AAMP: variants seen among roughly 807,000 people sequenced by gnomAD.
AAMP encodes the protein angio-associated migratory cell protein.
Under a neutral mutation model 51.1 loss-of-function variants are expected in AAMP, and 12 were observed. The ratio of observed to expected loss-of-function variants is 0.23; its 90% confidence interval spans 0.15 to 0.38. The LOEUF is 0.38. Among genes scored for constraint, AAMP ranks in the 10% least tolerant of loss-of-function variants. The probability of loss-of-function intolerance (pLI) is 1.00; values close to 1 mark genes in which losing one functional copy is unlikely to be tolerated. For missense variants in AAMP, 418 were observed against 557.2 expected, an observed-to-expected ratio of 0.75 and a Z score of 2.52; for synonymous variants, 210 against 218.7, an observed-to-expected ratio of 0.96 and a Z score of 0.35.
At position 218,267,528 on chromosome 2, in the gene AAMP, C is replaced by T; in HGVS notation, c.360G>A (p.Arg120=). The change falls in exon 3 of 11, where the codon CGG becomes CGA. Residue 120 remains arginine, a synonymous_variant. Transcript: ENST00000248450. This position sits in a 1 kb window ranked among gnomAD's most constrained non-coding sequence, Gnocchi z 4.6. ...CAAAGAGCAGCTCCCCATCGCTGAG[C>T]CGCCATACGAAGGCTTTGTCATCTT... The part of the protein sequence containing the change: ...GGEDDKAFVW[R]LSDGELLFEC... 1 of 1,614,180 alleles carries T rather than the reference C, an allele frequency of 6.2e-7. No individual in the cohort carries two copies. Among genetic ancestry groups the T allele is most frequent in the Non-Finnish European group, 8.5e-7 (1 of 1,180,038 alleles).
In AAMP at chr2:218,265,364, C is replaced by T; in HGVS notation, c.1074+7G>A. 2 of 1,553,818 alleles carry T rather than the reference C, an allele frequency of 1.3e-6. No homozygotes were observed. The highest frequency in any genetic ancestry group is 1.7e-6 in the Non-Finnish European group (2 of 1,146,568). On this transcript the variant is annotated splice_region_variant and intron_variant, in intron 9 of 10. Coordinates refer to ENST00000248450, the MANE Select transcript of AAMP (RefSeq NM_001087.5). This position sits in a 1 kb window ranked among gnomAD's most constrained non-coding sequence, Gnocchi z 6.6. Reference sequence around the variant, plus strand: ...CCCACAGGGACCCCAGCTCCAGCTGCCCATACCTGGTGCTGACACTGATGC... The same window carrying T: ...CCCACAGGGACCCCAGCTCCAGCTGTCCATACCTGGTGCTGACACTGATGC...
chr2:218,264,330 G>A lies in AAMP; in HGVS notation c.*203C>T, dbSNP rs1341812815. ...ACCCCTCCCTCTGAAGGGCCCACCA[G>A]GTCTGGACAAGGGTGGGAGGGCCCT... On this transcript the variant is annotated 3_prime_UTR_variant, in exon 11 of 11. Coordinates refer to ENST00000248450, the MANE Select transcript of AAMP (RefSeq NM_001087.5). The A allele has an allele frequency of 1.7e-6, 1 of 585,236 alleles. No homozygotes were observed. The highest frequency in any genetic ancestry group is 2.1e-5 in the South Asian group (1 of 47,374). The allele number at this position is 585,236 out of a possible 1,614,324, so 36.3% of individuals were successfully genotyped here. A position where few individuals can be genotyped will look rare whatever the true frequency, so the allele number is the denominator to read the frequency against.
chr2:218,268,338 CATTTT>C (rs572374666), intron 2 of AAMP, among the ~76,000 whole-genome samples: 221 of 150,724 alleles, frequency 1.5e-3, no homozygotes, highest in African/African-American at 4.2e-3. Flanking sequence ...AATTATCTCT[CATTTT>C]ATTTTATTTT....
Position 218,266,605 on chromosome 2 carries a change from G to A in AAMP, c.535-18C>T. The A allele has an allele frequency of 2.5e-6, 4 of 1,603,110 alleles. No individual in the cohort carries two copies. Among genetic ancestry groups the A allele is most frequent in the Non-Finnish European group, 3.4e-6 (4 of 1,171,952 alleles). On this transcript the variant is annotated intron_variant, in intron 4 of 10. Coordinates refer to ENST00000248450, the MANE Select transcript of AAMP (RefSeq NM_001087.5). The surrounding 1 kb of genome is among the most constrained non-coding windows in gnomAD (Gnocchi z 4.7). ...TCCATCCACTGGACAGGGAGGAAGG[G>A]GCAGCAGGGAGGCCCGTCACCCCAT...
In AAMP at chr2:218,265,077, C is replaced by T. The variant is rs753016891; in HGVS notation, c.1172G>A (p.Arg391His). The change falls in exon 10 of 11, where the codon CGC becomes CAC. Residue 391 changes from arginine to histidine, a missense_variant. Coordinates refer to ENST00000248450, the MANE Select transcript of AAMP (RefSeq NM_001087.5). The surrounding 1 kb of genome is among the most constrained non-coding windows in gnomAD (Gnocchi z 6.6). ...IVRLWDARTG[R>H]LLTDYRGHTA... ...GTGGCCCCGGTAGTCAGTAAGCAGG[C>T]GGCCGGTCCGGGCGTCCCAGAGGCG... is the stretch of plus-strand genomic sequence containing the variant. 2.2e-5 allele frequency: 35 copies of T among 1,613,522 alleles called. No homozygotes were observed. Among genetic ancestry groups the T allele is most frequent in the Admixed American group, 3.3e-5 (2 of 59,982 alleles).
Position 218,265,713 on chromosome 2 carries a change from C to A in AAMP, c.880-31G>T, listed in dbSNP as rs766612243. ...AGCCAGAGAGGATCAGAGGAGGACA[C>A]GGAATCCGGGTGCTTGATGGAGAGA... On this transcript the variant is annotated intron_variant, in intron 7 of 10. Transcript: ENST00000248450. This position sits in a 1 kb window ranked among gnomAD's most constrained non-coding sequence, Gnocchi z 6.6. The A allele has an allele frequency of 8.1e-6, 13 of 1,601,912 alleles. No homozygotes were observed. In the African/African-American group the frequency reaches 1.2e-4, roughly 15 times the overall value.
At chr2:218,269,648 G>A (rs1690737161) in intron 1 of AAMP, 114 bp from the exon 2 acceptor site, 1 of 1,559,030 alleles carries the variant, frequency 6.4e-7, no homozygotes, top group South Asian at 1.1e-5. Context: ...GGAAGGTGGA[G>A]TCAGACACAC....
intron 2 of AAMP, among the ~76,000 whole-genome samples, chr2:218,268,610 G>A (rs2106173579): frequency 6.6e-6 from 1 of 151,564 alleles, no homozygotes; most frequent in Middle Eastern, 3.4e-3. Flanking sequence ...CCAAAGTGCT[G>A]TGATTACAGG....
Position 218,270,098 on chromosome 2 carries a change from G to A in AAMP, c.-12C>T, listed in dbSNP as rs371723693. 2.5e-5 allele frequency: 40 copies of A among 1,613,520 alleles called. No individual in the cohort carries two copies. In the African/African-American group the frequency reaches 4.5e-4, roughly 18 times the overall value. On this transcript the variant is annotated 5_prime_UTR_variant, in exon 1 of 11. Coordinates refer to ENST00000248450, the MANE Select transcript of AAMP (RefSeq NM_001087.5). ...GATTCGGACTCCATGCGGCGCAAGC[G>A]GCGGATCCACTTCTCTGGGCCCAAA... is the stretch of plus-strand genomic sequence containing the variant.
Position 218,267,340 on chromosome 2 carries a change from T to A in AAMP, c.394+154A>T, listed in dbSNP as rs1371463243. ...TCCTGCCTCTGTGCCCAAAACACAC[T>A]AGTATTCGCCCCGTGTCCCTGGGGC... On this transcript the variant is annotated intron_variant, in intron 3 of 10. Transcript: ENST00000248450. The surrounding 1 kb of genome is among the most constrained non-coding windows in gnomAD (Gnocchi z 4.6). 6.9e-6 allele frequency: 8 copies of A among 1,163,346 alleles called. No individual in the cohort carries two copies. The highest frequency in any genetic ancestry group is 9.8e-6 in the Non-Finnish European group (8 of 817,052). The allele number at this position is 1,163,346 out of a possible 1,614,324, so 72.1% of individuals were successfully genotyped here. A position where few individuals can be genotyped will look rare whatever the true frequency, so the allele number is the denominator to read the frequency against.
Position 218,266,293 on chromosome 2 carries a change from G to A in AAMP, c.680-146C>T, listed in dbSNP as rs889244917. The stretch of plus-strand genomic sequence containing the variant: ...GGTGAGTTCAGAGCAGGAAGGAGGC[G>A]CTGTGAACTTTGGGGCCCAGGAGGT... On this transcript the variant is annotated intron_variant, in intron 5 of 10. Transcript: ENST00000248450. This position sits in a 1 kb window ranked among gnomAD's most constrained non-coding sequence, Gnocchi z 4.7. 13 of 1,327,538 alleles carry A rather than the reference G, an allele frequency of 9.8e-6. No homozygotes were observed. The highest frequency in any genetic ancestry group is 7.3e-5 in the African/African-American group (5 of 68,488). The allele number at this position is 1,327,538 out of a possible 1,614,324, so 82.2% of individuals were successfully genotyped here.
rs1690650082 is a variant in AAMP at position 218,267,028 on chromosome 2, G to A, written c.395-42C>T. 6.2e-7 allele frequency: 1 copy of A among 1,607,908 alleles called. No individual in the cohort carries two copies. The highest frequency in any genetic ancestry group is 1.7e-5 in the Admixed American group (1 of 59,702). ...GCAGAAAACAGAGGAAAAAAATAGG[G>A]TACCTGGTGCTGGGGGCATGTGATT... On this transcript the variant is annotated intron_variant, in intron 3 of 10. Transcript: ENST00000248450. This position sits in a 1 kb window ranked among gnomAD's most constrained non-coding sequence, Gnocchi z 4.6.
chr2:218,264,694 C>A (rs1690579172), intron 10 of AAMP, 86 bp from the exon 11 acceptor site: 2 of 1,223,290 alleles, frequency 1.6e-6, no homozygotes, highest in African/African-American at 3.0e-5. Flanking sequence ...TCCAGCACAC[C>A]CTCAGTTCTA....
rs565449181 is a variant in AAMP at position 218,267,842 on chromosome 2, G to A, written c.275-229C>T. 1.2e-4 allele frequency among the ~76,000 whole-genome samples: 19 copies of A among 152,270 alleles called. No homozygotes were observed. The highest frequency in any genetic ancestry group is 9.6e-4 in the East Asian group (5 of 5,192). Reference sequence around the variant, plus strand: ...TAGATCCCCTCACTGTGTGACTCCCGTCACCACCCAACACCAATGCCATGG... The same window carrying A: ...TAGATCCCCTCACTGTGTGACTCCCATCACCACCCAACACCAATGCCATGG... On this transcript the variant is annotated intron_variant, in intron 2 of 10. Transcript: ENST00000248450. This position sits in a 1 kb window ranked among gnomAD's most constrained non-coding sequence, Gnocchi z 4.6.
chr2:218,268,855 C>T (rs915329821), intron 2 of AAMP, among the ~76,000 whole-genome samples: 2 of 152,038 alleles, frequency 1.3e-5, no homozygotes, highest in Non-Finnish European at 2.9e-5. Flanking sequence ...CCCGCTACCA[C>T]GCCCAGCTAA....
Position 218,266,372 on chromosome 2 carries a change from C to A in AAMP, c.679+71G>T. On this transcript the variant is annotated intron_variant, in intron 5 of 10. Coordinates refer to ENST00000248450, the MANE Select transcript of AAMP (RefSeq NM_001087.5). The surrounding 1 kb of genome is among the most constrained non-coding windows in gnomAD (Gnocchi z 4.7). ...TTGCCGGCTGTGACCCAGAAGGCTG[C>A]TCTGGGAGGTGTATATCCCGGGATT... 1 of 1,573,962 alleles carries A rather than the reference C, an allele frequency of 6.4e-7. No individual in the cohort carries two copies. Among genetic ancestry groups the A allele is most frequent in the Non-Finnish European group, 8.7e-7 (1 of 1,153,400 alleles).
rs765757767 is a variant in AAMP, at chr2:218,269,540, TTGG to T, written c.122-9_122-7del. ...CATCTCCTGGGCCAGGTCATCTGCT[TTGG>T]GGAGAGGGTTAGAAGATGGGGCTCG... On this transcript the variant is annotated splice_polypyrimidine_tract_variant and splice_region_variant and intron_variant, in intron 1 of 10. Coordinates refer to ENST00000248450, the MANE Select transcript of AAMP (RefSeq NM_001087.5). The T allele has an allele frequency of 4.3e-6, 7 of 1,613,916 alleles. No homozygotes were observed. Among genetic ancestry groups the T allele is most frequent in the Non-Finnish European group, 5.9e-6 (7 of 1,179,970 alleles).
chr2:218,264,332 T>C lies in AAMP; in HGVS notation c.*201A>G. ...CCCTCCCTCTGAAGGGCCCACCAGG[T>C]CTGGACAAGGGTGGGAGGGCCCTGG... On this transcript the variant is annotated 3_prime_UTR_variant, in exon 11 of 11. Coordinates refer to ENST00000248450, the MANE Select transcript of AAMP (RefSeq NM_001087.5). 1.7e-6 allele frequency: 1 copy of C among 583,372 alleles called. No individual in the cohort carries two copies. Among genetic ancestry groups the C allele is most frequent in the Non-Finnish European group, 3.1e-6 (1 of 326,722 alleles). 36.1% of individuals were successfully genotyped at this position (583,372 alleles called of 1,614,324 possible). A position where few individuals can be genotyped will look rare whatever the true frequency, so the allele number is the denominator to read the frequency against.
chr2:218,269,791 C>T, intron 1 of AAMP, 175 bp downstream of exon 1: 1 of 1,123,032 alleles, frequency 8.9e-7, no homozygotes, highest in Non-Finnish European at 1.3e-6. Flanking sequence ...CGTCAGGGAA[C>T]CCCCACCCCA....
Sources: allele counts gnomAD v4.1 joint callset (sites outside exome capture counted in the v4.1 genomes callset), GRCh38; gene constraint gnomAD v4.1.1; non-coding constraint Gnocchi (gnomAD v3.1); transcripts MANE v1.5; gene names NCBI Gene and HGNC (gene_info 2026-07-23, HGNC 2026-07-21).